ANO2: variants seen among roughly 807,000 people sequenced by gnomAD.
ANO2 encodes anoctamin-2.
ANO2 carries 101 observed loss-of-function variants against 124.2 expected under a neutral mutation model. The ratio of observed to expected loss-of-function variants is 0.81; its 90% CI spans 0.69 to 0.96. The LOEUF (loss-of-function observed/expected upper bound fraction) is 0.96, where lower values mean the gene tolerates loss of function less well. Ranked by LOEUF, ANO2 falls within the 40% of genes least tolerant of loss-of-function variation. The pLI is 0.00. For synonymous variants in ANO2, 486 were observed against 482.5 expected (o/e 1.01, Z -0.09); for missense variants, 1,293 against 1,274.5 (o/e 1.01, Z -0.22).
intron 14 of ANO2, among the ~76,000 whole-genome samples, chr12:5,710,826 TGATA>T (rs1192700747): frequency 2.6e-5 from 4 of 152,120 alleles, no homozygotes; most frequent in African/African-American, 9.7e-5. Flanking sequence ...AAACTGAGGC[TGATA>T]GAGTATGAAT....
At chr12:5,890,008 G>T (rs1428615201) in intron 3 of ANO2, among the ~76,000 whole-genome samples, 3 of 151,822 alleles carry the variant, frequency 2.0e-5, no homozygotes, top group African/African-American at 7.3e-5. Flanking sequence ...GACTCACCAG[G>T]TCCCCTCCAG....
intron 14 of ANO2, among the ~76,000 whole-genome samples, chr12:5,700,414 CAG>C (rs1949355625): frequency 6.6e-6 from 1 of 152,106 alleles, no homozygotes; most frequent in African/African-American, 2.4e-5. Flanking sequence ...CACAACATAC[CAG>C]AATCTCTGGG....
intron 3 of ANO2, among the ~76,000 whole-genome samples, chr12:5,911,488 A>T (rs1047633065): frequency 6.6e-6 from 1 of 152,202 alleles, no homozygotes; most frequent in Admixed American, 6.5e-5. Flanking sequence ...GATAGAAACC[A>T]ACTGTCCCCC....
intron 19 of ANO2, among the ~76,000 whole-genome samples, chr12:5,602,860 ACT>A (rs1944010929): frequency 6.6e-6 from 1 of 152,208 alleles, no homozygotes; most frequent in South Asian, 2.1e-4. Context: ...ACACTAGAAG[ACT>A]CTGCAGAAAT....
At chr12:5,736,534 C>A (rs1029400058) in intron 13 of ANO2, among the ~76,000 whole-genome samples, 1 of 152,122 alleles carries the variant, frequency 6.6e-6, no homozygotes, top group Admixed American at 6.5e-5. Context: ...CTTTCAAGGA[C>A]CCCTGCCTCC....
chr12:5,808,126 A>C (rs1274256141), intron 7 of ANO2, among the ~76,000 whole-genome samples: 1 of 152,230 alleles, frequency 6.6e-6, no homozygotes, highest in Non-Finnish European at 1.5e-5. Flanking sequence ...ATAGTCATGC[A>C]AACACCCTTT....
upstream of ANO2, chr12:5,945,298 G>T (rs1398617708): frequency 3.7e-5 from 42 of 1,149,980 alleles, no homozygotes; most frequent in Non-Finnish European, 4.5e-5. Flanking sequence ...TTCCATCGCG[G>T]CTCAGCTCCG....
At chr12:5,715,606 A>G (rs1224681098) in intron 14 of ANO2, among the ~76,000 whole-genome samples, 3 of 152,220 alleles carry the variant, frequency 2.0e-5, no homozygotes, top group African/African-American at 7.2e-5. Context: ...TGTCCAGGAA[A>G]GGCAACTGTC....
Position 5,635,127 on chromosome 12 carries a change from G to A in ANO2, c.1816+25C>T. On this transcript the variant is annotated intron_variant, in intron 16 of 24. Transcript: ENST00000682330. The surrounding 1 kb of genome is among the most constrained non-coding windows in gnomAD (Gnocchi z 5.2). ...ATTGACTTAAAGAGGGCCTAGGACAGCCAGAAGTCTCGGTGACACAGTACC... is the reference window on the plus strand; with the variant it reads ...ATTGACTTAAAGAGGGCCTAGGACAACCAGAAGTCTCGGTGACACAGTACC... 6.5e-7 allele frequency: 1 copy of A among 1,540,274 alleles called. No homozygotes were observed. Among genetic ancestry groups the A allele is most frequent in the Non-Finnish European group, 8.7e-7 (1 of 1,149,976 alleles).
chr12:5,744,446 G>A (rs1257100554), intron 11 of ANO2, 129 bp from the exon 12 acceptor site: 6 of 983,306 alleles, frequency 6.1e-6, no homozygotes, highest in Non-Finnish European at 9.0e-6. Context: ...AGTAAGGAAT[G>A]TTAAAGAAGT....
At chr12:5,786,739 T>G (rs1952552465) in intron 10 of ANO2, among the ~76,000 whole-genome samples, 1 of 152,112 alleles carries the variant, frequency 6.6e-6, no homozygotes, top group Non-Finnish European at 1.5e-5. Context: ...GCTCTTCCCT[T>G]AAAGTGGAGC....
chr12:5,789,465 A>T (rs747990946), intron 10 of ANO2, among the ~76,000 whole-genome samples: 12 of 152,220 alleles, frequency 7.9e-5, no homozygotes, highest in Admixed American at 1.3e-4. Context: ...GAAAGAAACC[A>T]GTAAGGATGA....
At chr12:5,592,056 C>T (rs1273284782) in intron 20 of ANO2, among the ~76,000 whole-genome samples, 1 of 152,188 alleles carries the variant, frequency 6.6e-6, no homozygotes. Flanking sequence ...AAACATGGTT[C>T]ATTTTGGTCT....
At chr12:5,886,070 A>G (rs577878734) in intron 3 of ANO2, among the ~76,000 whole-genome samples, 34 of 152,312 alleles carry the variant, frequency 2.2e-4, no homozygotes, top group African/African-American at 7.2e-4. Context: ...TTTTAGGAGG[A>G]AAGACCCTGA....
intron 1 of ANO2, among the ~76,000 whole-genome samples, chr12:5,941,935 A>T (rs1451097099): frequency 6.6e-6 from 1 of 152,244 alleles, no homozygotes; most frequent in Non-Finnish European, 1.5e-5. Context: ...AAAAATAAGG[A>T]TGAAATAAAG....
intron 10 of ANO2, among the ~76,000 whole-genome samples, chr12:5,783,918 C>A (rs1952471689): frequency 6.6e-6 from 1 of 152,196 alleles, no homozygotes; most frequent in South Asian, 2.1e-4. Context: ...CTAGGGGCAA[C>A]TTTTCCTATC....
chr12:5,823,429 G>A (rs1591658378), intron 7 of ANO2, among the ~76,000 whole-genome samples: 2 of 152,332 alleles, frequency 1.3e-5, no homozygotes, highest in Non-Finnish European at 2.9e-5. Context: ...CCAAAACAAA[G>A]GGGTTACAGG....
chr12:5,667,620 G>T (rs1947793562), intron 14 of ANO2, among the ~76,000 whole-genome samples: 1 of 152,100 alleles, frequency 6.6e-6, no homozygotes, highest in Admixed American at 6.6e-5. Flanking sequence ...GTGTGCCATG[G>T]TATTTTGCTG....
intron 1 of ANO2, among the ~76,000 whole-genome samples, chr12:5,930,656 C>A (rs1942324448): frequency 6.6e-6 from 1 of 152,122 alleles, no homozygotes. Flanking sequence ...TTAGAATCAA[C>A]ATTTACACCC....
Sources: gnomAD v4.1 joint callset for allele counts (sites outside exome capture counted in the v4.1 genomes callset) on GRCh38, gnomAD v4.1.1 for gene constraint, Gnocchi (gnomAD v3.1) non-coding constraint, MANE v1.5 for transcripts, NCBI Gene and HGNC (gene_info 2026-07-23, HGNC 2026-07-21) for gene names.